AAK1: variants seen among roughly 807,000 people sequenced by gnomAD.
AAK1 encodes the protein AP2 associated kinase 1.
AAK1 carries 37 observed loss-of-function variants against 116.0 expected under a neutral mutation model. The ratio of observed to expected loss-of-function variants is 0.32; its 90% CI spans 0.25 to 0.42. The LOEUF (loss-of-function observed/expected upper bound fraction) is 0.42, where lower values mean the gene tolerates loss of function less well. Among genes scored for constraint, AAK1 ranks in the 10% least tolerant of loss-of-function variants. AAK1 has a pLI of 1.00. For missense variants in AAK1, 919 were observed against 1,170.6 expected (o/e 0.79, Z 3.14); for synonymous variants, 458 against 439.9 (o/e 1.04, Z -0.51).
chr2:69,500,347 G>T (rs1368277210), intron 16 of AAK1: 6 of 152,064 alleles, frequency 3.9e-5, no homozygotes, highest in African/African-American at 9.7e-5. Flanking sequence ...GATAGAAAAA[G>T]ACCAGATAAA....
intron 5 of AAK1, among the ~76,000 whole-genome samples, chr2:69,536,807 G>A (rs567349734): frequency 6.6e-6 from 1 of 152,206 alleles, no homozygotes; most frequent in Non-Finnish European, 1.5e-5. Context: ...GTCAGAGAAT[G>A]TATTGCCACT....
In AAK1 at chr2:69,507,322, C is replaced by T. The variant is rs1326394070; in HGVS notation, c.2164+99G>A. On this transcript the variant is annotated intron_variant, in intron 15 of 21. Transcript: ENST00000409085. Reference sequence around the variant, plus strand: ...AGGCCCAAGCCTACGTTTCCACATGCATACCCTTCTAGAGTTACGATTCTT... The same window carrying T: ...AGGCCCAAGCCTACGTTTCCACATGTATACCCTTCTAGAGTTACGATTCTT... The T allele has an allele frequency of 4.9e-6, 7 of 1,414,474 alleles. No individual in the cohort carries two copies. The Admixed American group carries it at 1.6e-4, about 33-fold the overall frequency. The allele number at this position is 1,414,474 out of a possible 1,614,324, so 87.6% of individuals were successfully genotyped here.
Position 69,460,210 on chromosome 2 carries a change from C to A in AAK1, c.*15659G>T, listed in dbSNP as rs983242070. ...CAATTTCAGTTCCAAACACACAACA[C>A]AGAATCACACTTTTCTTTATTAAAG... is the stretch of plus-strand genomic sequence containing the variant. On this transcript the variant is annotated 3_prime_UTR_variant, in exon 22 of 22. Coordinates refer to ENST00000409085, the MANE Select transcript of AAK1 (RefSeq NM_014911.5). The A allele has an allele frequency of 6.6e-6, 1 of 152,590 alleles. No individual in the cohort carries two copies. The highest frequency in any genetic ancestry group is 1.5e-5 in the Non-Finnish European group (1 of 68,038). The allele number at this position is 152,590 out of a possible 1,614,324, so 9.5% of individuals were successfully genotyped here. A position where few individuals can be genotyped will look rare whatever the true frequency, so the allele number is the denominator to read the frequency against.
At chr2:69,554,383 G>A (rs1429815728) in intron 3 of AAK1, among the ~76,000 whole-genome samples, 1 of 152,150 alleles carries the variant, frequency 6.6e-6, no homozygotes, top group Admixed American at 6.5e-5. Context: ...CAGACCAAGA[G>A]AGGAAAAACA....
At chr2:69,631,262 C>G (rs1005165864) in intron 2 of AAK1, among the ~76,000 whole-genome samples, 2 of 152,206 alleles carry the variant, frequency 1.3e-5, no homozygotes, top group Non-Finnish European at 2.9e-5. Flanking sequence ...CCCTAAAGGT[C>G]CCAGTACAAT....
At chr2:69,571,651 T>C (rs1368526804) in intron 2 of AAK1, among the ~76,000 whole-genome samples, 2 of 152,230 alleles carry the variant, frequency 1.3e-5, no homozygotes, top group Non-Finnish European at 2.9e-5. Context: ...TGTTAAAATA[T>C]AATACTAAAA....
At chr2:69,553,776 G>GT (rs1671282962) in intron 3 of AAK1, among the ~76,000 whole-genome samples, 1 of 150,620 alleles carries the variant, frequency 6.6e-6, no homozygotes, top group Non-Finnish European at 1.5e-5. Flanking sequence ...TATCTACCAT[G>GT]TATCAAAAAG....
At position 69,472,514 on chromosome 2, in the gene AAK1, A is replaced by C. The variant is rs908591860; in HGVS notation, c.*3355T>G. ...ATGACATTGAGGGGAACAACACTTA[A>C]TTAGATGTCAAAATTCTGATATGTC... On this transcript the variant is annotated 3_prime_UTR_variant, in exon 22 of 22. Transcript: ENST00000409085. 2 of 731,990 alleles carry C rather than the reference A, an allele frequency of 2.7e-6. No individual in the cohort carries two copies. The highest frequency in any genetic ancestry group is 3.8e-5 in the African/African-American group (2 of 52,168). The allele number at this position is 731,990 out of a possible 1,614,324, so 45.3% of individuals were successfully genotyped here.
chr2:69,531,452 T>A (rs904225197), intron 6 of AAK1: 4 of 292,174 alleles, frequency 1.4e-5, no homozygotes, highest in African/African-American at 9.1e-5. Flanking sequence ...TTAGTAGTAA[T>A]AGCGAGTGCT....
At chr2:69,497,295 C>CTTTTTTTTTT (rs1176401016) in intron 16 of AAK1, among the ~76,000 whole-genome samples, 33 of 76,080 alleles carry the variant, frequency 4.3e-4, no homozygotes, top group South Asian at 5.2e-4. Flanking sequence ...CATTATCATT[C>CTTTTTTTTTT]TTTTTTTTTT....
intron 21 of AAK1, among the ~76,000 whole-genome samples, 159 bp from the exon 22 acceptor site, chr2:69,476,122 C>A (rs781260153): frequency 6.6e-6 from 1 of 152,210 alleles, no homozygotes; most frequent in South Asian, 2.1e-4. Context: ...CATTTGCAAA[C>A]CCTTACACGT....
At chr2:69,551,331 C>G (rs1671175018) in intron 3 of AAK1, among the ~76,000 whole-genome samples, 1 of 152,116 alleles carries the variant, frequency 6.6e-6, no homozygotes. Flanking sequence ...TGCAGCAAAC[C>G]ACCATGGCAC....
chr2:69,556,822 C>A (rs1292630685), intron 3 of AAK1, 38 bp downstream of exon 3: 1 of 1,509,152 alleles, frequency 6.6e-7, no homozygotes, highest in South Asian at 1.1e-5. Flanking sequence ...ATCTCTGCCT[C>A]CATTTTAAAC....
Position 69,471,454 on chromosome 2 carries a change from GAATA to G in AAK1, c.*4411_*4414del, listed in dbSNP as rs1674678881. The G allele has an allele frequency of 1.0e-6, 1 of 985,302 alleles. No homozygotes were observed. Among genetic ancestry groups the G allele is most frequent in the Middle Eastern group, 5.2e-4 (1 of 1,936 alleles). The allele number at this position is 985,302 out of a possible 1,614,324, so 61.0% of individuals were successfully genotyped here. On this transcript the variant is annotated 3_prime_UTR_variant, in exon 22 of 22. Transcript: ENST00000409085. ...TGATAAAATTATAGCCTTTAGAGAG[GAATA>G]AAGATAGCTTTGCAGTATCTGGAGT...
intron 2 of AAK1, among the ~76,000 whole-genome samples, chr2:69,562,001 T>G (rs1671664160): frequency 6.6e-6 from 1 of 152,234 alleles, no homozygotes; most frequent in African/African-American, 2.4e-5. Context: ...ACATGTGAAT[T>G]TTTTCTAGCT....
intron 2 of AAK1, among the ~76,000 whole-genome samples, chr2:69,640,968 T>C (rs2105277064): frequency 6.6e-6 from 1 of 152,342 alleles, no homozygotes; most frequent in Admixed American, 6.5e-5. Context: ...GCACAGCACC[T>C]GGCACTTCAC....
intron 2 of AAK1, among the ~76,000 whole-genome samples, chr2:69,591,973 A>G (rs1269756994): frequency 6.6e-6 from 1 of 152,156 alleles, no homozygotes; most frequent in Non-Finnish European, 1.5e-5. Context: ...TTTTCCTAAC[A>G]CTTTTATTAA....
chr2:69,524,247 A>AC (rs1669919146), intron 10 of AAK1, among the ~76,000 whole-genome samples: 1 of 152,086 alleles, frequency 6.6e-6, no homozygotes, highest in South Asian at 2.1e-4. Context: ...GATATTTTTT[A>AC]CATTTTTTAA....
intron 11 of AAK1, chr2:69,520,172 G>T (rs549608430): frequency 2.9e-4 from 65 of 221,378 alleles, no homozygotes; most frequent in Non-Finnish European, 5.4e-4. Context: ...CAACACTTTG[G>T]AAGAGTCTTA....
Sources: allele counts gnomAD v4.1 joint callset (sites outside exome capture counted in the v4.1 genomes callset), GRCh38; gene constraint gnomAD v4.1.1; transcripts MANE v1.5; gene names NCBI Gene and HGNC (gene_info 2026-07-23, HGNC 2026-07-21).